DNAJC10: variants seen among roughly 807,000 people sequenced by gnomAD.
The protein encoded by DNAJC10 is endoplasmic reticulum disulfide reductase DNAJC10.
DNAJC10 carries 101 observed loss-of-function variants against 115.0 expected under a neutral mutation model. The ratio of observed to expected loss-of-function variants is 0.88; its 90% CI spans 0.75 to 1.04. The LOEUF (loss-of-function observed/expected upper bound fraction) is 1.04, where lower values mean the gene tolerates loss of function less well. Among genes scored for constraint, DNAJC10 ranks in the 50% least tolerant of loss-of-function variants. DNAJC10 has a pLI of 0.00. For missense variants in DNAJC10, 981 were observed against 928.8 expected (o/e 1.06, Z -0.73); for synonymous variants, 307 against 301.5 (o/e 1.02, Z -0.19).
Position 182,762,678 on chromosome 2 carries a change from T to A in DNAJC10, c.2146-4T>A. ...AAATGGCAAACTGTATTTTTCTTTTTCAGATGATTAAAGGAAAAGTGAAAG... is the reference window on the plus strand; with the variant it reads ...AAATGGCAAACTGTATTTTTCTTTTACAGATGATTAAAGGAAAAGTGAAAG... On this transcript the variant is annotated splice_polypyrimidine_tract_variant and splice_region_variant and intron_variant, in intron 21 of 23. Transcript: ENST00000264065. The A allele has an allele frequency of 6.2e-7, 1 of 1,611,700 alleles. No individual in the cohort carries two copies. Among genetic ancestry groups the A allele is most frequent in the Non-Finnish European group, 8.5e-7 (1 of 1,178,444 alleles).
chr2:182,721,638 G>A (rs1693152198), intron 4 of DNAJC10, among the ~76,000 whole-genome samples: 1 of 152,050 alleles, frequency 6.6e-6, no homozygotes, highest in African/African-American at 2.4e-5. Context: ...TCGATATTGT[G>A]CTATATAGCT....
intron 21 of DNAJC10, 72 bp from the exon 22 acceptor site, chr2:182,762,610 T>A: frequency 6.8e-7 from 1 of 1,467,386 alleles, no homozygotes; most frequent in Non-Finnish European, 9.4e-7. Context: ...ATGTTTTATA[T>A]CCTATTGCTT....
At chr2:182,772,469 T>C (rs1007529070) in intron 22 of DNAJC10, among the ~76,000 whole-genome samples, 1 of 152,222 alleles carries the variant, frequency 6.6e-6, no homozygotes, top group Non-Finnish European at 1.5e-5. Context: ...TGTAGGTTTC[T>C]AAGGACTTAC....
In DNAJC10 at chr2:182,756,484, G is replaced by A. The variant is rs773874731; in HGVS notation, c.1809+15G>A. ...GAATGGCCCGGGTATAGTAAAAATAGTTTATTTTAAATCTTAACATTTACT... is the reference window on the plus strand; with the variant it reads ...GAATGGCCCGGGTATAGTAAAAATAATTTATTTTAAATCTTAACATTTACT... On this transcript the variant is annotated intron_variant, in intron 18 of 23. Coordinates refer to ENST00000264065, the MANE Select transcript of DNAJC10 (RefSeq NM_018981.4). The A allele has an allele frequency of 1.3e-5, 20 of 1,597,130 alleles. 1 individual carries two copies. In the South Asian group the frequency reaches 1.8e-4, roughly 15 times the overall value.
chr2:182,784,938 C>T lies in DNAJC10; in HGVS notation c.*7806C>T, dbSNP rs192468877. ...ACATTTTTCTGATAAAATGCCATTT[C>T]TACCTCAGTACTTGATAAGAATCAC... On this transcript the variant is annotated 3_prime_UTR_variant, in exon 24 of 24. Transcript: ENST00000264065. The T allele has an allele frequency of 6.6e-6, 1 of 152,174 alleles. No individual in the cohort carries two copies. Among genetic ancestry groups the T allele is most frequent in the Non-Finnish European group, 1.5e-5 (1 of 68,020 alleles). The allele number at this position is 152,174 out of a possible 1,614,324, so 9.4% of individuals were successfully genotyped here.
chr2:182,772,665 T>A (rs1396488953), intron 22 of DNAJC10, among the ~76,000 whole-genome samples: 1 of 150,964 alleles, frequency 6.6e-6, no homozygotes, highest in Non-Finnish European at 1.5e-5. Flanking sequence ...TTTTGTTTTG[T>A]TTTGTTTTTT....
chr2:182,767,210 C>A (rs1281154273), intron 22 of DNAJC10, among the ~76,000 whole-genome samples: 1 of 152,038 alleles, frequency 6.6e-6, no homozygotes, highest in Non-Finnish European at 1.5e-5. Context: ...GTACCGGTGC[C>A]CAGGTGGCCA....
rs1338536590 is a variant in DNAJC10 at position 182,783,679 on chromosome 2, T to A, written c.*6547T>A. 6.6e-6 allele frequency: 1 copy of A among 152,188 alleles called. No homozygotes were observed. Among genetic ancestry groups the A allele is most frequent in the East Asian group, 1.9e-4 (1 of 5,194 alleles). 9.4% of individuals were successfully genotyped at this position (152,188 alleles called of 1,614,324 possible). A position where few individuals can be genotyped will look rare whatever the true frequency, so the allele number is the denominator to read the frequency against. ...TATATTTTAAATATACTTTCTATTTTGTGACAGGAGTGAAAAAATGTTTAA... is the reference window on the plus strand; with the variant it reads ...TATATTTTAAATATACTTTCTATTTAGTGACAGGAGTGAAAAAATGTTTAA... On this transcript the variant is annotated 3_prime_UTR_variant, in exon 24 of 24. Transcript: ENST00000264065.
chr2:182,764,232 C>A (rs1015468395), intron 22 of DNAJC10, among the ~76,000 whole-genome samples: 1 of 152,070 alleles, frequency 6.6e-6, no homozygotes, highest in African/African-American at 2.4e-5. Flanking sequence ...CTTCAAGGGT[C>A]TCTAAGTGAG....
chr2:182,743,247 A>G (rs1693780843), intron 13 of DNAJC10, among the ~76,000 whole-genome samples: 1 of 152,132 alleles, frequency 6.6e-6, no homozygotes, highest in South Asian at 2.1e-4. Context: ...ACACTCTTTG[A>G]AAACATCACT....
At chr2:182,762,874 G>T (rs2105689498) in intron 22 of DNAJC10, 73 bp downstream of exon 22, 37 of 1,457,066 alleles carry the variant, frequency 2.5e-5, no homozygotes, top group East Asian at 9.6e-5. Context: ...TCTGAGTAAT[G>T]TTTTTTTTCT....
chr2:182,759,005 A>T, intron 20 of DNAJC10, 115 bp downstream of exon 20: 2 of 1,070,014 alleles, frequency 1.9e-6, no homozygotes, highest in Non-Finnish European at 2.8e-6. Context: ...TAAATTACTT[A>T]GTAAAGTATT....
chr2:182,725,329 G>A (rs545314507), intron 5 of DNAJC10, among the ~76,000 whole-genome samples: 1 of 152,262 alleles, frequency 6.6e-6, no homozygotes, highest in East Asian at 1.9e-4. Context: ...TGGAAGAGAT[G>A]CACATCTCTC....
At chr2:182,771,256 G>C (rs1048481182) in intron 22 of DNAJC10, among the ~76,000 whole-genome samples, 4 of 151,072 alleles carry the variant, frequency 2.6e-5, no homozygotes, top group African/African-American at 9.7e-5. Context: ...TTTTCACATC[G>C]ATGTTCATCA....
chr2:182,765,040 T>A (rs532765787), intron 22 of DNAJC10, among the ~76,000 whole-genome samples: 1 of 152,156 alleles, frequency 6.6e-6, no homozygotes, highest in Non-Finnish European at 1.5e-5. Flanking sequence ...CTCACACTTA[T>A]ATCGCCAGTC....
intron 2 of DNAJC10, among the ~76,000 whole-genome samples, chr2:182,717,615 A>G (rs962378890): frequency 2.0e-5 from 3 of 152,234 alleles, no homozygotes; most frequent in African/African-American, 4.8e-5. Context: ...AGGCAACGCT[A>G]TAACTGGGTA....
chr2:182,736,501 G>A (rs1326322633), intron 11 of DNAJC10, 115 bp downstream of exon 11: 1 of 662,112 alleles, frequency 1.5e-6, no homozygotes, highest in East Asian at 3.5e-5. Flanking sequence ...TTGTCTGATT[G>A]TGGAACCCTT....
At position 182,777,640 on chromosome 2, in the gene DNAJC10, T is replaced by G. The variant is rs1329508811; in HGVS notation, c.*508T>G. ...CTGACCTGAAAAGAGGTAACTTAGT[T>G]TTTGGTCACTTGTTCTCCTAAAAAT... On this transcript the variant is annotated 3_prime_UTR_variant, in exon 24 of 24. Coordinates refer to ENST00000264065, the MANE Select transcript of DNAJC10 (RefSeq NM_018981.4). The G allele has an allele frequency of 1.3e-5, 2 of 152,170 alleles. No individual in the cohort carries two copies. Among genetic ancestry groups the G allele is most frequent in the African/African-American group, 4.8e-5 (2 of 41,444 alleles). The allele number at this position is 152,170 out of a possible 1,614,324, so 9.4% of individuals were successfully genotyped here.
intron 10 of DNAJC10, among the ~76,000 whole-genome samples, chr2:182,733,687 A>AGT (rs1693508492): frequency 7.9e-5 from 1 of 12,636 alleles, no homozygotes; most frequent in African/African-American, 2.3e-4. Context: ...TTTCTTTCTC[A>AGT]ATTTTTTTTT....
Sources: gnomAD v4.1 joint callset for allele counts (sites outside exome capture counted in the v4.1 genomes callset) on GRCh38, gnomAD v4.1.1 for gene constraint, MANE v1.5 for transcripts, NCBI Gene and HGNC (gene_info 2026-07-23, HGNC 2026-07-21) for gene names.